The following SMYD3 variants were observed in gnomAD, a reference collection of about 807,000 sequenced individuals.
SMYD3 encodes the protein histone-lysine N-methyltransferase SMYD3.
Under a neutral mutation model 57.7 loss-of-function variants are expected in SMYD3, and 36 were observed. The ratio of observed to expected loss-of-function variants is 0.62; its 90% CI spans 0.48 to 0.82. The LOEUF is 0.82. Ranked by LOEUF, SMYD3 falls within the 40% of genes least tolerant of loss-of-function variation. The probability of loss-of-function intolerance (pLI) is 0.00; values close to 1 mark genes in which losing one functional copy is unlikely to be tolerated. For missense variants in SMYD3, 515 were observed against 538.8 expected, an observed-to-expected ratio of 0.96 and a Z score of 0.44; for synonymous variants, 211 against 195.0, an observed-to-expected ratio of 1.08 and a Z score of -0.68.
At chr1:246,096,058 C>G (rs541203030) in intron 5 of SMYD3, among the ~76,000 whole-genome samples, 5 of 152,256 alleles carry the variant, frequency 3.3e-5, no homozygotes, top group Non-Finnish European at 1.5e-5. Flanking sequence ...AATATTTCCC[C>G]CATGAACAGC....
chr1:246,374,349 T>C (rs2148735512), intron 1 of SMYD3, among the ~76,000 whole-genome samples: 1 of 152,334 alleles, frequency 6.6e-6, no homozygotes, highest in East Asian at 1.9e-4. Flanking sequence ...CAGTCAGTTG[T>C]GGACAGAAGA....
intron 10 of SMYD3, among the ~76,000 whole-genome samples, chr1:245,857,144 CA>C (rs2051287181): frequency 6.6e-6 from 1 of 152,174 alleles, no homozygotes; most frequent in South Asian, 2.1e-4. Context: ...GTCTGGATTC[CA>C]AAGCTGTTCA....
intron 1 of SMYD3, among the ~76,000 whole-genome samples, chr1:246,419,226 G>A (rs2102995379): frequency 6.6e-6 from 1 of 152,258 alleles, no homozygotes; most frequent in South Asian, 2.1e-4. Flanking sequence ...AAACCTATAA[G>A]AACTAATGAT....
intron 1 of SMYD3, among the ~76,000 whole-genome samples, chr1:246,456,707 T>C (rs1313919041): frequency 6.6e-6 from 1 of 152,164 alleles, no homozygotes; most frequent in Admixed American, 6.5e-5. Flanking sequence ...AACCCACAAA[T>C]GAGTGGGACC....
In SMYD3 at chr1:246,202,121, G is replaced by A. The variant is rs1052519920; in HGVS notation, c.531+125080C>T. 1.3e-5 allele frequency among the ~76,000 whole-genome samples: 2 copies of A among 151,770 alleles called. No individual in the cohort carries two copies. The highest frequency in any genetic ancestry group is 2.9e-5 in the Non-Finnish European group (2 of 67,992). ...ATAATAATTATTATTTCTAGATGGT[G>A]AGCTAATGGGTGATTTTTATTTAAT... On this transcript the variant is annotated intron_variant, in intron 5 of 11. Coordinates refer to ENST00000490107, the MANE Select transcript of SMYD3 (RefSeq NM_001167740.2). The surrounding 1 kb of genome is among the most constrained non-coding windows in gnomAD (Gnocchi z 4.1).
chr1:245,823,825 T>A (rs1023217612), intron 10 of SMYD3, among the ~76,000 whole-genome samples: 1 of 152,192 alleles, frequency 6.6e-6, no homozygotes, highest in Non-Finnish European at 1.5e-5. Context: ...TGCTCCAGGA[T>A]AAAACTGCAC....
intron 1 of SMYD3, among the ~76,000 whole-genome samples, chr1:246,367,176 A>G (rs2066118986): frequency 6.6e-6 from 1 of 152,200 alleles, no homozygotes; most frequent in Non-Finnish European, 1.5e-5. Context: ...GCAACTGTTC[A>G]GAAGTCTAAT....
chr1:245,791,719 C>A (rs1272261723), intron 10 of SMYD3, among the ~76,000 whole-genome samples: 1 of 152,120 alleles, frequency 6.6e-6, no homozygotes. Flanking sequence ...GTCTTTTTAG[C>A]CTTCAGCTAG....
chr1:246,352,220 T>C (rs4654242), intron 2 of SMYD3, among the ~76,000 whole-genome samples: 143,262 of 150,360 alleles, frequency 0.95, 68,277 homozygotes, highest in East Asian at 1. Flanking sequence ...GGGCACAAGG[T>C]ACATGTTACA....
chr1:245,854,403 C>T (rs2051127733), intron 10 of SMYD3, among the ~76,000 whole-genome samples: 1 of 152,164 alleles, frequency 6.6e-6, no homozygotes. Context: ...AATCATGGCA[C>T]TGTTTGACAC....
intron 5 of SMYD3, among the ~76,000 whole-genome samples, chr1:246,194,264 GT>G (rs888463821): frequency 5.4e-5 from 8 of 148,744 alleles, no homozygotes; most frequent in African/African-American, 2.0e-4. Flanking sequence ...TTCTTGTGGG[GT>G]TTTTTTGTTT....
intron 5 of SMYD3, among the ~76,000 whole-genome samples, chr1:246,040,938 GAA>G (rs2059860084): frequency 6.6e-6 from 1 of 152,110 alleles, no homozygotes; most frequent in South Asian, 2.1e-4. Context: ...CCACATGGTA[GAA>G]AAAAGACAGA....
chr1:245,957,953 A>T (rs1226232294), intron 5 of SMYD3, among the ~76,000 whole-genome samples: 1 of 152,144 alleles, frequency 6.6e-6, no homozygotes, highest in African/African-American at 2.4e-5. Flanking sequence ...GAAAATGTTA[A>T]TCTAATGTTA....
intron 5 of SMYD3, among the ~76,000 whole-genome samples, chr1:246,123,523 C>T (rs4654207): frequency 0.5 from 74,568 of 150,474 alleles, 21,410 homozygotes; most frequent in Non-Finnish European, 0.66. Context: ...GCCAAGATCA[C>T]GCCACTACAA....
intron 10 of SMYD3, among the ~76,000 whole-genome samples, chr1:245,846,178 G>T (rs1356547854): frequency 6.6e-6 from 1 of 152,210 alleles, no homozygotes; most frequent in Non-Finnish European, 1.5e-5. Context: ...CAGCATCCAG[G>T]AAGGGAAGGA....
At chr1:246,283,642 A>C (rs944434780) in intron 5 of SMYD3, among the ~76,000 whole-genome samples, 6 of 152,184 alleles carry the variant, frequency 3.9e-5, no homozygotes, top group Admixed American at 1.3e-4. Context: ...CAAATATTTA[A>C]AGCTCTTAAT....
chr1:246,489,526 G>A (rs182328000), intron 1 of SMYD3, among the ~76,000 whole-genome samples: 5 of 152,168 alleles, frequency 3.3e-5, no homozygotes, highest in African/African-American at 1.2e-4. Context: ...AACAACTAAG[G>A]AGAAAGAAAA....
At chr1:245,848,533 C>A (rs2148444727) in intron 10 of SMYD3, among the ~76,000 whole-genome samples, 1 of 152,226 alleles carries the variant, frequency 6.6e-6, no homozygotes, top group South Asian at 2.1e-4. Flanking sequence ...CTCAGCCTCT[C>A]AAATAGCTGG....
intron 1 of SMYD3, among the ~76,000 whole-genome samples, chr1:246,479,600 T>C (rs1252264045): frequency 6.9e-6 from 1 of 145,926 alleles, no homozygotes; most frequent in Non-Finnish European, 1.5e-5. Context: ...CTCTGCCTCC[T>C]AGACTCAAGT....
Sources: allele counts gnomAD v4.1 joint callset (sites outside exome capture counted in the v4.1 genomes callset), GRCh38; gene constraint gnomAD v4.1.1; non-coding constraint Gnocchi (gnomAD v3.1); transcripts MANE v1.5; gene names NCBI Gene and HGNC (gene_info 2026-07-23, HGNC 2026-07-21).